The following FBXW11 variants were observed in gnomAD, a reference collection of about 807,000 sequenced individuals.
FBXW11 encodes the protein F-box/WD repeat-containing protein 11.
In FBXW11, 19 loss-of-function variants were observed where a neutral mutation model predicts 77.6. The ratio of observed to expected loss-of-function variants is 0.24; its 90% CI spans 0.17 to 0.36. The LOEUF is 0.36. Ranked by LOEUF, FBXW11 falls within the 10% of genes least tolerant of loss-of-function variation. The pLI, the probability that FBXW11 is intolerant of heterozygous loss-of-function variation, is 1.00. For synonymous variants in FBXW11, 235 were observed against 249.4 expected, an observed-to-expected ratio of 0.94 and a Z score of 0.54; for missense variants, 334 against 704.2, an observed-to-expected ratio of 0.47 and a Z score of 5.95.
intron 4 of FBXW11, among the ~76,000 whole-genome samples, chr5:171,906,509 A>C (rs1182138725): frequency 2.0e-5 from 3 of 152,220 alleles, no homozygotes; most frequent in Admixed American, 2.0e-4. Context: ...GTGGGTGAAT[A>C]ATTAAAATTT....
At chr5:171,953,738 C>T (rs1763474569) in intron 2 of FBXW11, among the ~76,000 whole-genome samples, 2 of 151,886 alleles carry the variant, frequency 1.3e-5, no homozygotes, top group South Asian at 4.2e-4. Context: ...AGTAACTTGC[C>T]CAGTATCACA....
intron 2 of FBXW11, among the ~76,000 whole-genome samples, chr5:171,934,705 T>C (rs1258074991): frequency 6.7e-6 from 1 of 149,812 alleles, no homozygotes; most frequent in African/African-American, 2.5e-5. Context: ...TAGAAAATTA[T>C]TAGGAAACAT....
At chr5:171,974,298 G>A (rs11742811) in intron 1 of FBXW11, among the ~76,000 whole-genome samples, 2 of 151,984 alleles carry the variant, frequency 1.3e-5, no homozygotes, top group Admixed American at 6.6e-5. Flanking sequence ...GCCGGGCGTG[G>A]TGGCACATGC....
chr5:171,910,735 T>C lies in FBXW11; in HGVS notation c.273A>G (p.Gln91=). The C allele has an allele frequency of 6.2e-7, 1 of 1,613,894 alleles. No individual in the cohort carries two copies. Among genetic ancestry groups the C allele is most frequent in the Non-Finnish European group, 8.5e-7 (1 of 1,179,914 alleles). The change falls in exon 4 of 14, where the codon CAA becomes CAG. Residue 91 remains glutamine, a synonymous_variant. Coordinates refer to ENST00000517395, the MANE Select transcript of FBXW11 (RefSeq NM_001378974.1). ...ATTTAATACACAAGTCTTTTTCTTTTTGATAGTTTCCTTCTGATGGCCTCT... is the reference window on the plus strand; with the variant it reads ...ATTTAATACACAAGTCTTTTTCTTTCTGATAGTTTCCTTCTGATGGCCTCT... ...SRKRPSEGNY[Q]KEKDLCIKYF...
chr5:171,964,767 C>A (rs1764096345), intron 1 of FBXW11, among the ~76,000 whole-genome samples: 1 of 152,174 alleles, frequency 6.6e-6, no homozygotes, highest in Non-Finnish European at 1.5e-5. Flanking sequence ...AAAGTTAATT[C>A]ACGGTTTAAG....
chr5:171,917,800 A>G (rs1399288458), intron 2 of FBXW11, among the ~76,000 whole-genome samples: 1 of 83,400 alleles, frequency 1.2e-5, no homozygotes, highest in Non-Finnish European at 3.2e-5. Context: ...GTGTGTGTGT[A>G]AATATATATA....
chr5:171,956,492 A>G (rs1763620775), intron 2 of FBXW11, among the ~76,000 whole-genome samples: 2 of 152,200 alleles, frequency 1.3e-5, no homozygotes, highest in South Asian at 2.1e-4. Context: ...CAAAGAAAGC[A>G]ATTTGAATCA....
At chr5:171,875,205 T>G (rs1057180932) in intron 9 of FBXW11, among the ~76,000 whole-genome samples, 1 of 148,904 alleles carries the variant, frequency 6.7e-6, no homozygotes, top group Admixed American at 6.6e-5. Flanking sequence ...AGCACAGGAG[T>G]CCAAGACTAG....
intron 2 of FBXW11, among the ~76,000 whole-genome samples, chr5:171,916,687 T>G (rs959651211): frequency 1.3e-5 from 2 of 152,144 alleles, no homozygotes; most frequent in Non-Finnish European, 2.9e-5. Flanking sequence ...CAGCATCCCC[T>G]GAGTTTGGTA....
intron 2 of FBXW11, among the ~76,000 whole-genome samples, chr5:171,947,075 A>C (rs1333080514): frequency 1.3e-5 from 2 of 151,952 alleles, no homozygotes; most frequent in Non-Finnish European, 2.9e-5. Context: ...TGGCCTCCCA[A>C]GGTGCTGGGA....
At chr5:171,882,746 T>C (rs1001906027) in intron 7 of FBXW11, among the ~76,000 whole-genome samples, 4 of 152,166 alleles carry the variant, frequency 2.6e-5, no homozygotes, top group Non-Finnish European at 4.4e-5. Flanking sequence ...CACTGTGGTA[T>C]GATTGGACAT....
intron 4 of FBXW11, among the ~76,000 whole-genome samples, chr5:171,909,858 C>T (rs1444904634): frequency 6.6e-6 from 1 of 152,068 alleles, no homozygotes; most frequent in African/African-American, 2.4e-5. Flanking sequence ...TCCTTAAGTG[C>T]CACTTCAGAT....
chr5:171,924,355 A>G (rs1761770060), intron 2 of FBXW11, among the ~76,000 whole-genome samples: 1 of 152,082 alleles, frequency 6.6e-6, no homozygotes, highest in Admixed American at 6.6e-5. Flanking sequence ...CTTTCTGGAT[A>G]ATGCCTTTTA....
intron 2 of FBXW11, among the ~76,000 whole-genome samples, chr5:171,940,281 C>A (rs868618607): frequency 6.6e-6 from 1 of 152,276 alleles, no homozygotes; most frequent in Middle Eastern, 3.4e-3. Flanking sequence ...TGAGACTAGA[C>A]TAGAATTGGA....
chr5:171,881,778 C>T (rs1373607723), intron 7 of FBXW11, among the ~76,000 whole-genome samples: 1 of 152,130 alleles, frequency 6.6e-6, no homozygotes, highest in Non-Finnish European at 1.5e-5. Context: ...TTCAGATTAC[C>T]TATTTGTTTT....
At chr5:171,930,131 G>T (rs1207811890) in intron 2 of FBXW11, among the ~76,000 whole-genome samples, 2 of 152,208 alleles carry the variant, frequency 1.3e-5, no homozygotes, top group East Asian at 3.8e-4. Flanking sequence ...ATCACATTAT[G>T]TATGAAAATA....
intron 1 of FBXW11, among the ~76,000 whole-genome samples, chr5:171,997,347 T>A (rs1277063957): frequency 6.6e-6 from 1 of 152,194 alleles, no homozygotes; most frequent in African/African-American, 2.4e-5. Flanking sequence ...TACCCTATCA[T>A]CCATATAAAT....
intron 2 of FBXW11, among the ~76,000 whole-genome samples, chr5:171,937,505 T>A (rs1285703882): frequency 6.6e-6 from 1 of 152,158 alleles, no homozygotes; most frequent in African/African-American, 2.4e-5. Context: ...TGTAAGTGAA[T>A]GAGTGTGGCT....
At chr5:171,866,680 T>C (rs1757415580) in intron 13 of FBXW11, among the ~76,000 whole-genome samples, 1 of 152,210 alleles carries the variant, frequency 6.6e-6, no homozygotes, top group Non-Finnish European at 1.5e-5. Flanking sequence ...ATGTCTTGAA[T>C]TTTGCCATAT....
Sources: gnomAD v4.1 joint callset for allele counts (sites outside exome capture counted in the v4.1 genomes callset) on GRCh38, gnomAD v4.1.1 for gene constraint, MANE v1.5 for transcripts, NCBI Gene and HGNC (gene_info 2026-07-23, HGNC 2026-07-21) for gene names.